The following CNTNAP2 variants were observed in gnomAD, a reference collection of about 807,000 sequenced individuals.
CNTNAP2 encodes the protein contactin-associated protein-like 2.
A neutral mutation model predicts 155.2 loss-of-function variants in CNTNAP2; 98 were observed. That is an observed-to-expected ratio of 0.63 (90% CI 0.54 to 0.75). The LOEUF is 0.75. CNTNAP2 is among the 30% of genes least tolerant of loss of function. CNTNAP2 has a pLI of 0.00. For missense variants in CNTNAP2, 1,727 were observed against 1,688.1 expected, an observed-to-expected ratio of 1.02 and a Z score of -0.40; for synonymous variants, 651 against 631.2, an observed-to-expected ratio of 1.03 and a Z score of -0.47.
intron 9 of CNTNAP2, among the ~76,000 whole-genome samples, chr7:147,311,442 C>T (rs11773547): frequency 0.2 from 30,775 of 152,024 alleles, 3,364 homozygotes; most frequent in Non-Finnish European, 0.24. Context: ...TGTTAGAATC[C>T]TGTGTCAGAA....
chr7:147,960,348 C>A (rs1801095014), intron 14 of CNTNAP2, among the ~76,000 whole-genome samples: 1 of 151,968 alleles, frequency 6.6e-6, no homozygotes, highest in Non-Finnish European at 1.5e-5. Context: ...CCGTCACTGG[C>A]AAAATTTGAG....
At chr7:146,925,062 A>G (rs1048861487) in intron 3 of CNTNAP2, among the ~76,000 whole-genome samples, 1 of 152,134 alleles carries the variant, frequency 6.6e-6, no homozygotes, top group African/African-American at 2.4e-5. Context: ...GGATGGTTGT[A>G]AGTTCTAGTA....
intron 1 of CNTNAP2, among the ~76,000 whole-genome samples, chr7:146,149,444 A>C (rs909830262): frequency 6.6e-6 from 1 of 152,134 alleles, no homozygotes; most frequent in African/African-American, 2.4e-5. Flanking sequence ...AGTTCACAGA[A>C]AGAATCATTT....
chr7:147,587,107 A>T (rs933234920), intron 12 of CNTNAP2, among the ~76,000 whole-genome samples: 4 of 152,242 alleles, frequency 2.6e-5, no homozygotes. Context: ...ACATTTAATT[A>T]CATCCTGGGA....
chr7:146,172,119 T>C (rs141835268), intron 1 of CNTNAP2, among the ~76,000 whole-genome samples: 1 of 150,008 alleles, frequency 6.7e-6, no homozygotes, highest in Non-Finnish European at 1.5e-5. Context: ...TACCAGTTCG[T>C]GTTATTTCTT....
intron 3 of CNTNAP2, among the ~76,000 whole-genome samples, chr7:146,862,683 T>C (rs1247140780): frequency 6.6e-6 from 1 of 152,244 alleles, no homozygotes; most frequent in African/African-American, 2.4e-5. Context: ...AATCAGATGC[T>C]GTTTTCATTT....
chr7:147,301,848 C>A (rs1351319161), intron 9 of CNTNAP2, among the ~76,000 whole-genome samples: 1 of 152,098 alleles, frequency 6.6e-6, no homozygotes, highest in Non-Finnish European at 1.5e-5. Flanking sequence ...AGGCCCTAGG[C>A]AATTTACTGA....
At chr7:146,375,722 G>T (rs961592522) in intron 1 of CNTNAP2, among the ~76,000 whole-genome samples, 1 of 152,174 alleles carries the variant, frequency 6.6e-6, no homozygotes, top group Non-Finnish European at 1.5e-5. Context: ...ATTTAAGTCA[G>T]TTATTTAAAC....
At chr7:147,223,086 A>C (rs950292681) in intron 8 of CNTNAP2, among the ~76,000 whole-genome samples, 1 of 152,184 alleles carries the variant, frequency 6.6e-6, no homozygotes, top group African/African-American at 2.4e-5. Flanking sequence ...AGTCCCTTGG[A>C]GCAAAACTCA....
chr7:147,889,064 A>G (rs1306233667), intron 13 of CNTNAP2, among the ~76,000 whole-genome samples: 1 of 152,158 alleles, frequency 6.6e-6, no homozygotes, highest in Non-Finnish European at 1.5e-5. Flanking sequence ...TAGGAAGAGA[A>G]TAAATATACT....
intron 1 of CNTNAP2, among the ~76,000 whole-genome samples, chr7:146,312,343 C>T (rs1044256273): frequency 6.6e-6 from 1 of 152,066 alleles, no homozygotes; most frequent in Non-Finnish European, 1.5e-5. Flanking sequence ...TCTAACATCT[C>T]GGAATAACTG....
At chr7:146,373,246 C>A (rs1167613277) in intron 1 of CNTNAP2, among the ~76,000 whole-genome samples, 1 of 152,120 alleles carries the variant, frequency 6.6e-6, no homozygotes, top group Non-Finnish European at 1.5e-5. Context: ...GAAGTGGACA[C>A]GATTCTCTTC....
At chr7:147,905,683 G>T (rs568460184) in intron 14 of CNTNAP2, among the ~76,000 whole-genome samples, 71 of 152,322 alleles carry the variant, frequency 4.7e-4, no homozygotes, top group African/African-American at 1.5e-3. Context: ...AGGAGTTCGA[G>T]ACCAGCCTGC....
intron 18 of CNTNAP2, among the ~76,000 whole-genome samples, chr7:148,208,088 CAAAA>C (rs10551518): frequency 5.1e-4 from 62 of 120,848 alleles, no homozygotes; most frequent in African/African-American, 6.0e-4. Flanking sequence ...GACTCCGTGT[CAAAA>C]AAAAAAAAAA....
intron 13 of CNTNAP2, among the ~76,000 whole-genome samples, chr7:147,654,790 G>A (rs1373632967): frequency 1.4e-5 from 2 of 147,526 alleles, no homozygotes; most frequent in African/African-American, 5.0e-5. Flanking sequence ...GGCAGCTATA[G>A]CCTAGCAAAA....
chr7:146,836,748 A>G (rs1032250291), intron 2 of CNTNAP2, among the ~76,000 whole-genome samples: 1 of 152,184 alleles, frequency 6.6e-6, no homozygotes, highest in Non-Finnish European at 1.5e-5. Context: ...TGAGTTTCAA[A>G]ATGGTAAACT....
At chr7:148,248,476 C>T (rs58737243) in intron 20 of CNTNAP2, among the ~76,000 whole-genome samples, 2,060 of 152,272 alleles carry the variant, frequency 0.014, 39 homozygotes, top group African/African-American at 0.045. Context: ...GGATTACAGG[C>T]GTGAGCTACC....
chr7:148,209,384 T>C (rs373050114), intron 18 of CNTNAP2, among the ~76,000 whole-genome samples: 4 of 151,590 alleles, frequency 2.6e-5, no homozygotes, highest in East Asian at 3.9e-4. Context: ...CCCTCCTGCC[T>C]TGGCCTTCCA....
rs58537091 is a variant in CNTNAP2 at position 147,919,459 on chromosome 7, C to CTTTCTTTCTTTTTTTTTTTTT, written c.2255+15741_2255+15742insCTTTCTTTTTTTTTTTTTTTT. ...CACCATGTCTGGCTACTTTTTCTTT[C>CTTTCTTTCTTTTTTTTTTTTT]TTTTTTTTTTTTTTTTTGAGACAGA... On this transcript the variant is annotated intron_variant, in intron 14 of 23. Transcript: ENST00000361727. Among the ~76,000 whole-genome samples the CTTTCTTTCTTTTTTTTTTTTT allele has an allele frequency of 2.5e-4, 13 of 51,228 alleles. 2 individuals carry two copies. The highest frequency in any genetic ancestry group is 1.2e-3 in the African/African-American group (11 of 9,298). 33.6% of individuals were successfully genotyped at this position (51,228 alleles called of 152,430 possible).
Sources: allele counts gnomAD v4.1 joint callset (sites outside exome capture counted in the v4.1 genomes callset), GRCh38; gene constraint gnomAD v4.1.1; transcripts MANE v1.5; gene names NCBI Gene and HGNC (gene_info 2026-07-23, HGNC 2026-07-21).